DDX10: variants seen among roughly 807,000 people sequenced by gnomAD.
DDX10 encodes the protein DEAD-box helicase 10, also known as probable ATP-dependent RNA helicase DDX10.
DDX10 carries 74 observed loss-of-function variants against 104.3 expected under a neutral mutation model. The ratio of observed to expected loss-of-function variants is 0.71; its 90% confidence interval spans 0.59 to 0.86. The LOEUF (loss-of-function observed/expected upper bound fraction) is 0.86. Ranked by LOEUF, DDX10 falls within the 40% of genes least tolerant of loss-of-function variation. DDX10 has a pLI of 0.00. For synonymous variants in DDX10, 351 were observed against 353.4 expected, an observed-to-expected ratio of 0.99 and a Z score of 0.08; for missense variants, 952 against 1,040.0, an observed-to-expected ratio of 0.92 and a Z score of 1.16.
At chr11:108,913,228 A>T (rs142003328) in intron 16 of DDX10, among the ~76,000 whole-genome samples, 1 of 152,108 alleles carries the variant, frequency 6.6e-6, no homozygotes, top group Admixed American at 6.5e-5. Context: ...TGAGACATCA[A>T]TCAGTATCTG....
rs748759671 is a variant in DDX10, at chr11:108,723,349, G to C, written c.1852G>C (p.Glu618Gln). ...CACCAGTGAGGCACAGAAGATCAAG[G>C]AAGTTCCTACACAGTTCTTGGACAG... ...PNTSEAQKIK[E>Q]VPTQFLDRDE... The change falls in exon 13 of 18, where the codon GAA becomes CAA. Residue 618 changes from glutamate (E) to glutamine (Q), a missense_variant. Around this residue, in one of 3 missense-constraint regions of DDX10, gnomAD observed 533 missense variants for 534.1 expected, o/e 1.00. Coordinates refer to ENST00000322536, the MANE Select transcript of DDX10 (RefSeq NM_004398.4). 4 of 1,613,976 alleles carry C rather than the reference G, an allele frequency of 2.5e-6. No homozygotes were observed. Among genetic ancestry groups the C allele is most frequent in the Non-Finnish European group, 3.4e-6 (4 of 1,179,920 alleles).
chr11:108,781,789 G>GT lies in DDX10; in HGVS notation c.1966-56647dup, dbSNP rs1019429595. Among the ~76,000 whole-genome samples, 106 of 147,012 alleles carry GT rather than the reference G, an allele frequency of 7.2e-4. 1 individual carries two copies. Among genetic ancestry groups the GT allele is most frequent in the Non-Finnish European group, 1.0e-3 (66 of 66,168 alleles). On this transcript the variant is annotated intron_variant, in intron 13 of 17. Transcript: ENST00000322536. ...ATGAACAATTTGCAGTCTTGGTTTTGTTTTTTTTTTCTGGTAGAAATAAAA... is the reference window on the plus strand; with the variant it reads ...ATGAACAATTTGCAGTCTTGGTTTTGTTTTTTTTTTTCTGGTAGAAATAAAA...
chr11:108,788,075 T>A (rs1397114446), intron 13 of DDX10, among the ~76,000 whole-genome samples: 2 of 152,242 alleles, frequency 1.3e-5, no homozygotes, highest in African/African-American at 4.8e-5. Flanking sequence ...GTTTCAACTT[T>A]CTCCTGCATC....
chr11:108,932,161 G>T lies in DDX10; in HGVS notation c.2451-8085G>T, dbSNP rs370308523. On this transcript the variant is annotated intron_variant, in intron 17 of 17. Transcript: ENST00000322536. ...AACCGTAGACAATACATAAACAAGG[G>T]GGTGAGGCTGAATCATCATTAAAAC... is the stretch of plus-strand genomic sequence containing the variant. Among the ~76,000 whole-genome samples the T allele has an allele frequency of 2.0e-5, 3 of 152,032 alleles. No individual in the cohort carries two copies. The South Asian group carries it at 6.2e-4, about 32-fold the overall frequency.
intron 13 of DDX10, among the ~76,000 whole-genome samples, chr11:108,781,250 A>G (rs2094377715): frequency 6.6e-6 from 1 of 152,016 alleles, no homozygotes; most frequent in Admixed American, 6.6e-5. Flanking sequence ...ACTCTTTTTT[A>G]TGGTTGTATT....
At chr11:108,680,986 C>T (rs1025693424) in intron 6 of DDX10, among the ~76,000 whole-genome samples, 4 of 152,122 alleles carry the variant, frequency 2.6e-5, no homozygotes, top group African/African-American at 9.7e-5. Flanking sequence ...ACATTGATCT[C>T]TTAAAGAGTT....
At chr11:108,875,951 G>A (rs893467647) in intron 16 of DDX10, among the ~76,000 whole-genome samples, 2 of 152,126 alleles carry the variant, frequency 1.3e-5, no homozygotes, top group Non-Finnish European at 2.9e-5. Context: ...GACTAAGGTC[G>A]TTATGTACAC....
intron 7 of DDX10, among the ~76,000 whole-genome samples, chr11:108,689,645 AG>A (rs1715170040): frequency 6.6e-6 from 1 of 152,218 alleles, no homozygotes; most frequent in Admixed American, 6.5e-5. Context: ...CTAGGAATAA[AG>A]AATAAGGATT....
chr11:108,693,347 T>G (rs1436912209), intron 8 of DDX10, among the ~76,000 whole-genome samples, 169 bp from the exon 9 acceptor site: 2 of 152,216 alleles, frequency 1.3e-5, no homozygotes, highest in Non-Finnish European at 2.9e-5. Context: ...AGAGAAATGT[T>G]TACTATCTCT....
At chr11:108,813,222 A>G (rs1486918966) in intron 13 of DDX10, among the ~76,000 whole-genome samples, 1 of 152,192 alleles carries the variant, frequency 6.6e-6, no homozygotes, top group Non-Finnish European at 1.5e-5. Context: ...TTCAGTAGAT[A>G]TTGTAAATTG....
chr11:108,835,644 C>T (rs1227388061), intron 13 of DDX10, among the ~76,000 whole-genome samples: 4 of 152,192 alleles, frequency 2.6e-5, no homozygotes, highest in Admixed American at 1.3e-4. Flanking sequence ...GCCAGTGGCT[C>T]AAGGGCCCGT....
intron 9 of DDX10, among the ~76,000 whole-genome samples, chr11:108,705,471 A>T (rs998375436): frequency 6.6e-6 from 1 of 151,890 alleles, no homozygotes; most frequent in Non-Finnish European, 1.5e-5. Context: ...GTTGGTGTTT[A>T]TTGCCCATGG....
At chr11:108,777,355 A>C (rs548752820) in intron 13 of DDX10, among the ~76,000 whole-genome samples, 11 of 151,484 alleles carry the variant, frequency 7.3e-5, no homozygotes, top group African/African-American at 2.2e-4. Context: ...TTTGAGATAG[A>C]GTCTTGCTCT....
intron 13 of DDX10, among the ~76,000 whole-genome samples, chr11:108,757,310 T>C (rs2094345657): frequency 6.6e-6 from 1 of 152,120 alleles, no homozygotes; most frequent in African/African-American, 2.4e-5. Flanking sequence ...TGTATCTGTC[T>C]GTGTAACATA....
At chr11:108,698,251 A>G (rs1480442502) in intron 9 of DDX10, among the ~76,000 whole-genome samples, 1 of 152,244 alleles carries the variant, frequency 6.6e-6, no homozygotes, top group Non-Finnish European at 1.5e-5. Flanking sequence ...TGGTTTGTGA[A>G]TTGAAATAAT....
At chr11:108,884,363 G>A (rs1258240408) in intron 16 of DDX10, among the ~76,000 whole-genome samples, 1 of 152,034 alleles carries the variant, frequency 6.6e-6, no homozygotes, top group African/African-American at 2.4e-5. Context: ...ATTCTAGAAA[G>A]CTTGTTCTCC....
At chr11:108,910,781 G>GTGTGTC (rs1565316158) in intron 16 of DDX10, among the ~76,000 whole-genome samples, 10 of 130,606 alleles carry the variant, frequency 7.7e-5, no homozygotes, top group African/African-American at 2.3e-4. Flanking sequence ...GTGTGTGTGT[G>GTGTGTC]TGTGTGTGTC....
At chr11:108,714,613 G>C (rs367856095) in intron 10 of DDX10, among the ~76,000 whole-genome samples, 24 of 151,920 alleles carry the variant, frequency 1.6e-4, no homozygotes, top group African/African-American at 5.6e-4. Flanking sequence ...GTTAACTTCA[G>C]GAAGCACTGA....
intron 16 of DDX10, among the ~76,000 whole-genome samples, chr11:108,861,563 T>G (rs533634687): frequency 6.6e-6 from 1 of 152,318 alleles, no homozygotes; most frequent in East Asian, 1.9e-4. Flanking sequence ...ACTATGATAC[T>G]CTATTTACAT....
Sources: gnomAD v4.1 joint callset for allele counts (sites outside exome capture counted in the v4.1 genomes callset) on GRCh38, gnomAD v4.1.1 for gene constraint, gnomAD v4.1.1 regional missense constraint, MANE v1.5 for transcripts, NCBI Gene and HGNC (gene_info 2026-07-23, HGNC 2026-07-21) for gene names.